The following LPP variants were observed in gnomAD, a reference collection of about 807,000 sequenced individuals.
LPP encodes the protein LIM domain containing preferred translocation partner in lipoma, also known as lipoma-preferred partner.
Under a neutral mutation model 60.4 loss-of-function variants are expected in LPP, and 38 were observed. The observed-to-expected ratio is 0.63, with a 90% CI of 0.49 to 0.83. LPP has a LOEUF of 0.83. LPP is among the 40% of genes least tolerant of loss of function. The pLI is 0.00. For missense variants in LPP, 902 were observed against 783.6 expected, an observed-to-expected ratio of 1.15 and a Z score of -1.80; for synonymous variants, 328 against 290.8, an observed-to-expected ratio of 1.13 and a Z score of -1.30.
chr3:188,363,741 C>T (rs1379411378), intron 3 of LPP, among the ~76,000 whole-genome samples: 1 of 151,864 alleles, frequency 6.6e-6, no homozygotes, highest in African/African-American at 2.4e-5. Flanking sequence ...CCCGTCTCTA[C>T]TAAAAATACA....
At chr3:188,774,795 A>G (rs2150750303) in intron 9 of LPP, among the ~76,000 whole-genome samples, 1 of 152,196 alleles carries the variant, frequency 6.6e-6, no homozygotes, top group South Asian at 2.1e-4. Context: ...CTTTTCTTAT[A>G]AGGTCACTAG....
intron 3 of LPP, among the ~76,000 whole-genome samples, chr3:188,363,797 A>G (rs1201142216): frequency 6.8e-6 from 1 of 147,796 alleles, no homozygotes; most frequent in Non-Finnish European, 1.5e-5. Context: ...CCCAACTACT[A>G]GGGAGGCTGA....
intron 2 of LPP, among the ~76,000 whole-genome samples, chr3:188,303,772 C>T (rs1174591705): frequency 1.3e-5 from 2 of 152,102 alleles, no homozygotes; most frequent in Non-Finnish European, 2.9e-5. Context: ...AATAGGTTCC[C>T]AGTACCCTCC....
chr3:188,268,708 A>G lies in LPP; in HGVS notation c.-67+43181A>G, dbSNP rs766829956. Among the ~76,000 whole-genome samples the G allele has an allele frequency of 3.9e-5, 6 of 152,354 alleles. No homozygotes were observed. The South Asian group carries it at 1.0e-3, about 26-fold the overall frequency. ...TACGCCCAAGTTCACAGTTAGGTAG[A>G]GAAGGATTGTGGGGATTTGAAGCTT... On this transcript the variant is annotated intron_variant, in intron 2 of 11. Transcript: ENST00000617246.
intron 5 of LPP, among the ~76,000 whole-genome samples, chr3:188,494,265 A>G (rs1809284872): frequency 6.6e-6 from 1 of 152,064 alleles, no homozygotes; most frequent in Admixed American, 6.6e-5. Flanking sequence ...CCCCTCCCTT[A>G]CATGCCATAC....
rs376250307 is a variant in LPP, at chr3:188,643,518, T to C, written c.1113+33674T>C. Reference sequence around the variant, plus strand: ...AATGAGCATGTGTGAAGCTCTCTGATACTCTTACAAGAAGTGAAGTATAAG... The same window carrying C: ...AATGAGCATGTGTGAAGCTCTCTGACACTCTTACAAGAAGTGAAGTATAAG... On this transcript the variant is annotated intron_variant, in intron 7 of 11. Transcript: ENST00000617246. 7.9e-5 allele frequency among the ~76,000 whole-genome samples: 12 copies of C among 152,352 alleles called. 1 individual carries two copies. The highest frequency in any genetic ancestry group is 3.3e-4 in the Admixed American group (5 of 15,302).
intron 4 of LPP, among the ~76,000 whole-genome samples, chr3:188,457,881 C>T (rs1004731864): frequency 1.3e-5 from 2 of 152,014 alleles, no homozygotes; most frequent in African/African-American, 4.8e-5. Flanking sequence ...TGCACTCCAG[C>T]CTGGGTGACA....
chr3:188,375,248 A>T (rs1023050119), intron 3 of LPP, among the ~76,000 whole-genome samples: 1 of 151,952 alleles, frequency 6.6e-6, no homozygotes, highest in East Asian at 1.9e-4. Flanking sequence ...GATTCCCTCT[A>T]TTTCTGTTGA....
chr3:188,354,680 G>A (rs1320231179), intron 3 of LPP, among the ~76,000 whole-genome samples: 1 of 152,126 alleles, frequency 6.6e-6, no homozygotes, highest in Admixed American at 6.5e-5. Context: ...CTTTGTCTTA[G>A]GAATCTGGGC....
At chr3:188,368,843 A>G (rs944181792) in intron 3 of LPP, among the ~76,000 whole-genome samples, 6 of 152,024 alleles carry the variant, frequency 3.9e-5, no homozygotes, top group Admixed American at 3.9e-4. Context: ...AACTTCATCT[A>G]CCTCGGGTCA....
At chr3:188,246,464 C>T (rs573312732) in intron 2 of LPP, among the ~76,000 whole-genome samples, 1 of 152,306 alleles carries the variant, frequency 6.6e-6, no homozygotes, top group South Asian at 2.1e-4. Flanking sequence ...ATTCTTTCCT[C>T]TTCATAGATG....
At chr3:188,776,363 T>G (rs1469519120) in intron 9 of LPP, among the ~76,000 whole-genome samples, 2 of 152,188 alleles carry the variant, frequency 1.3e-5, no homozygotes, top group Non-Finnish European at 2.9e-5. Flanking sequence ...CATTTTTTTA[T>G]GTTGAATTCC....
intron 1 of LPP, among the ~76,000 whole-genome samples, chr3:188,191,912 A>G (rs562496434): frequency 2.7e-4 from 41 of 152,334 alleles, no homozygotes; most frequent in African/African-American, 9.9e-4. Context: ...CTGTATTGAA[A>G]TAACTCTAGG....
intron 2 of LPP, among the ~76,000 whole-genome samples, chr3:188,244,818 T>A (rs775353607): frequency 2.0e-5 from 3 of 152,204 alleles, no homozygotes; most frequent in Non-Finnish European, 2.9e-5. Flanking sequence ...TGCCCTGAAC[T>A]GTGAACTCAG....
rs564195424 is a variant in LPP, at chr3:188,622,030, T to C, written c.1113+12186T>C. 2.7e-3 allele frequency among the ~76,000 whole-genome samples: 409 copies of C among 152,316 alleles called. 2 individuals are homozygous for C. The highest frequency in any genetic ancestry group is 3.6e-3 in the Non-Finnish European group (247 of 68,028). ...GGATGGCATGGGCACAGGTGAAAGA[T>C]GAAAGTTTTGTCTATTTCTATTTCT... On this transcript the variant is annotated intron_variant, in intron 7 of 11. Transcript: ENST00000617246.
At chr3:188,794,738 T>C (rs1744820617) in intron 9 of LPP, among the ~76,000 whole-genome samples, 1 of 152,152 alleles carries the variant, frequency 6.6e-6, no homozygotes, top group South Asian at 2.1e-4. Flanking sequence ...GGTTTTTTTT[T>C]TCTTTATTGG....
chr3:188,258,619 G>A (rs1432215245), intron 2 of LPP, among the ~76,000 whole-genome samples: 1 of 152,182 alleles, frequency 6.6e-6, no homozygotes. Flanking sequence ...TTGTAAGCAT[G>A]TCAGCCCTCA....
At chr3:188,718,838 A>C (rs934249861) in intron 8 of LPP, among the ~76,000 whole-genome samples, 1 of 152,208 alleles carries the variant, frequency 6.6e-6, no homozygotes, top group African/African-American at 2.4e-5. Context: ...GCACCTTATA[A>C]AATCATAAAA....
intron 6 of LPP, among the ~76,000 whole-genome samples, chr3:188,554,686 A>G (rs968579885): frequency 1.3e-5 from 2 of 152,234 alleles, no homozygotes; most frequent in Non-Finnish European, 2.9e-5. Context: ...ATTCCAAATC[A>G]ACAAGCCAGT....
Sources: gnomAD v4.1 joint callset for allele counts (sites outside exome capture counted in the v4.1 genomes callset) on GRCh38, gnomAD v4.1.1 for gene constraint, MANE v1.5 for transcripts, NCBI Gene and HGNC (gene_info 2026-07-23, HGNC 2026-07-21) for gene names.